The following SNTG1 variants were observed in gnomAD, a reference collection of about 807,000 sequenced individuals.
The protein encoded by SNTG1 is gamma-1-syntrophin.
SNTG1 carries 39 observed loss-of-function variants against 74.7 expected under a neutral mutation model. The observed-to-expected ratio is 0.52, with a 90% CI of 0.40 to 0.68. The LOEUF (loss-of-function observed/expected upper bound fraction) is 0.68. Among genes scored for constraint, SNTG1 ranks in the 30% least tolerant of loss-of-function variants. The pLI, the probability that SNTG1 is intolerant of heterozygous loss-of-function variation, is 0.00. For missense variants in SNTG1, 685 were observed against 609.5 expected (o/e 1.12, Z -1.30); for synonymous variants, 254 against 217.1 (o/e 1.17, Z -1.49).
chr8:50,458,278 T>C (rs1034352382), intron 8 of SNTG1: 2 of 151,770 alleles, frequency 1.3e-5, no homozygotes, highest in African/African-American at 4.8e-5. Context: ...TTCAGATAGA[T>C]GGTGAAAATT....
At chr8:50,202,399 C>T (rs1195167531) in intron 2 of SNTG1, among the ~76,000 whole-genome samples, 1 of 152,044 alleles carries the variant, frequency 6.6e-6, no homozygotes, top group East Asian at 1.9e-4. Context: ...CTCTTTGTAT[C>T]ATCTTTATAT....
intron 1 of SNTG1, among the ~76,000 whole-genome samples, chr8:49,995,915 A>G (rs1814166399): frequency 6.6e-6 from 1 of 152,210 alleles, no homozygotes; most frequent in African/African-American, 2.4e-5. Context: ...CTATGCATCC[A>G]TATCTTTAAG....
At chr8:50,595,760 A>G (rs1190442580) in intron 13 of SNTG1, among the ~76,000 whole-genome samples, 1 of 152,008 alleles carries the variant, frequency 6.6e-6, no homozygotes, top group Non-Finnish European at 1.5e-5. Context: ...TTCATACAGC[A>G]TAATTCTTTT....
At chr8:50,433,870 G>C (rs1344190508) in intron 4 of SNTG1, among the ~76,000 whole-genome samples, 2 of 152,102 alleles carry the variant, frequency 1.3e-5, no homozygotes, top group Admixed American at 6.6e-5. Context: ...AGAGCTATAA[G>C]TACACATAGT....
At chr8:50,493,392 A>G (rs1408848660) in intron 8 of SNTG1, among the ~76,000 whole-genome samples, 1 of 152,184 alleles carries the variant, frequency 6.6e-6, no homozygotes, top group Non-Finnish European at 1.5e-5. Flanking sequence ...GAAATTGTGC[A>G]GACTTTTCTG....
At chr8:50,582,675 A>G (rs2094618556) in intron 12 of SNTG1, among the ~76,000 whole-genome samples, 1 of 152,140 alleles carries the variant, frequency 6.6e-6, no homozygotes, top group South Asian at 2.1e-4. Flanking sequence ...TTCAAGCATA[A>G]CATATTTTTT....
intron 4 of SNTG1, among the ~76,000 whole-genome samples, chr8:50,405,120 C>A (rs2092856040): frequency 6.6e-6 from 1 of 151,992 alleles, no homozygotes; most frequent in South Asian, 2.1e-4. Flanking sequence ...CATGGGTGTA[C>A]AAATATGTTT....
intron 2 of SNTG1, among the ~76,000 whole-genome samples, chr8:50,335,972 A>G (rs2091129340): frequency 6.6e-6 from 1 of 152,072 alleles, no homozygotes; most frequent in Non-Finnish European, 1.5e-5. Flanking sequence ...GTGCCTTAAA[A>G]CACAAAGGTC....
intron 1 of SNTG1, among the ~76,000 whole-genome samples, chr8:50,031,294 A>T (rs1222390860): frequency 2.0e-5 from 3 of 151,914 alleles, no homozygotes; most frequent in African/African-American, 7.2e-5. Flanking sequence ...AATAAGTTCT[A>T]TTTTATTTTT....
intron 18 of SNTG1, among the ~76,000 whole-genome samples, chr8:50,779,953 GA>G (rs1337128032): frequency 4.6e-5 from 7 of 151,970 alleles, no homozygotes; most frequent in Non-Finnish European, 1.0e-4. Flanking sequence ...TGCATCTATT[GA>G]GATAATCATG....
intron 16 of SNTG1, among the ~76,000 whole-genome samples, chr8:50,706,285 G>T (rs2095443175): frequency 6.6e-6 from 1 of 151,874 alleles, no homozygotes. Flanking sequence ...ATCAAAAATG[G>T]AAACAAAACT....
At chr8:50,229,732 T>G (rs575316081) in intron 2 of SNTG1, among the ~76,000 whole-genome samples, 1 of 151,522 alleles carries the variant, frequency 6.6e-6, no homozygotes, top group African/African-American at 2.4e-5. Flanking sequence ...AATCAGTTAG[T>G]TCTAATGGCT....
Position 50,767,166 on chromosome 8 carries a change from C to A in SNTG1, c.1395+15055C>A, listed in dbSNP as rs149554320. Among the ~76,000 whole-genome samples, 264 of 151,960 alleles carry A rather than the reference C, an allele frequency of 1.7e-3. 1 individual carries two copies. Among genetic ancestry groups the A allele is most frequent in the African/African-American group, 6.2e-3 (259 of 41,516 alleles). On this transcript the variant is annotated intron_variant, in intron 18 of 18. Coordinates refer to ENST00000642720, the MANE Select transcript of SNTG1 (RefSeq NM_018967.5). The stretch of plus-strand genomic sequence containing the variant: ...TTCAACAAAACATGCATTAGTTTAA[C>A]AATTCATATACATATTCCCAGGGCA...
chr8:50,629,274 AT>A (rs891091513), intron 13 of SNTG1, among the ~76,000 whole-genome samples: 2 of 151,942 alleles, frequency 1.3e-5, no homozygotes, highest in African/African-American at 4.8e-5. Context: ...TCACTATTAG[AT>A]TTTTTATTGC....
chr8:50,335,481 T>A (rs1164688398), intron 2 of SNTG1, among the ~76,000 whole-genome samples: 1 of 152,224 alleles, frequency 6.6e-6, no homozygotes, highest in African/African-American at 2.4e-5. Flanking sequence ...AGGAATGAAG[T>A]TCCCATGTTC....
chr8:50,456,246 ATCTT>A (rs1440747901), intron 8 of SNTG1, among the ~76,000 whole-genome samples: 1 of 152,156 alleles, frequency 6.6e-6, no homozygotes, highest in African/African-American at 2.4e-5. Context: ...TTCTTATCAA[ATCTT>A]TATTTGTCCT....
chr8:50,407,458 C>A (rs1329623226), intron 4 of SNTG1, among the ~76,000 whole-genome samples: 3 of 152,118 alleles, frequency 2.0e-5, no homozygotes, highest in Non-Finnish European at 4.4e-5. Flanking sequence ...AAAAATGAAG[C>A]TCCACTCTGC....
intron 2 of SNTG1, among the ~76,000 whole-genome samples, chr8:50,191,389 A>T (rs1211630361): frequency 6.6e-6 from 1 of 152,170 alleles, no homozygotes; most frequent in Non-Finnish European, 1.5e-5. Context: ...GGTTATCAGC[A>T]TAGGATGCTC....
At chr8:50,393,465 T>C (rs530494645) in intron 2 of SNTG1, among the ~76,000 whole-genome samples, 1 of 152,220 alleles carries the variant, frequency 6.6e-6, no homozygotes. Context: ...CATTATATTT[T>C]GGCTCTGCAT....
Sources: gnomAD v4.1 joint callset for allele counts (sites outside exome capture counted in the v4.1 genomes callset) on GRCh38, gnomAD v4.1.1 for gene constraint, MANE v1.5 for transcripts, NCBI Gene and HGNC (gene_info 2026-07-23, HGNC 2026-07-21) for gene names.